TRHDE: variants seen among roughly 807,000 people sequenced by gnomAD.
The protein encoded by TRHDE is thyrotropin releasing hormone degrading enzyme.
In TRHDE, 72 loss-of-function variants were observed where a neutral mutation model predicts 125.7. That is an observed-to-expected ratio of 0.57 (90% CI 0.47 to 0.70). The LOEUF is 0.70. TRHDE is among the 30% of genes least tolerant of loss of function. The pLI, the probability that TRHDE is intolerant of heterozygous loss-of-function variation, is 0.00. For synonymous variants in TRHDE, 509 were observed against 509.1 expected (o/e 1.00, Z 0.00); for missense variants, 1,110 against 1,327.1 (o/e 0.84, Z 2.54).
chr12:72,375,243 G>A (rs949389784), intron 2 of TRHDE, among the ~76,000 whole-genome samples: 3 of 152,156 alleles, frequency 2.0e-5, no homozygotes, highest in Non-Finnish European at 2.9e-5. Context: ...AGAGCAGTAA[G>A]TATGAATGTC....
chr12:72,094,085 G>C (rs1179803651), intron 1 of TRHDE, among the ~76,000 whole-genome samples: 1 of 152,210 alleles, frequency 6.6e-6, no homozygotes, highest in African/African-American at 2.4e-5. Context: ...AGTGGAGTCT[G>C]TGGTTGGTGA....
At chr12:72,099,577 C>A (rs1003559621) in intron 1 of TRHDE, among the ~76,000 whole-genome samples, 5 of 152,060 alleles carry the variant, frequency 3.3e-5, no homozygotes, top group Admixed American at 6.6e-5. Context: ...TCAAGAAAAT[C>A]CGATGAATGC....
At chr12:72,444,830 G>T (rs954975857) in intron 3 of TRHDE, among the ~76,000 whole-genome samples, 2 of 151,822 alleles carry the variant, frequency 1.3e-5, no homozygotes, top group Admixed American at 1.3e-4. Context: ...GGAGAGGCTG[G>T]ATATTCTCCC....
intron 2 of TRHDE, among the ~76,000 whole-genome samples, chr12:72,243,078 C>T (rs1436110091): frequency 6.6e-6 from 1 of 152,158 alleles, no homozygotes; most frequent in Non-Finnish European, 1.5e-5. Context: ...CTACTGCTGC[C>T]ATTGTGTTAC....
chr12:72,225,172 TAA>T (rs768715778), intron 2 of TRHDE, among the ~76,000 whole-genome samples: 11 of 152,302 alleles, frequency 7.2e-5, no homozygotes, highest in Non-Finnish European at 7.3e-5. Context: ...AAATGTTCTC[TAA>T]AGTTTTTTTC....
intron 3 of TRHDE, among the ~76,000 whole-genome samples, chr12:72,441,833 G>A (rs980822886): frequency 6.6e-5 from 10 of 151,832 alleles, no homozygotes; most frequent in African/African-American, 1.2e-4. Flanking sequence ...ATATTTCAGC[G>A]ATAGTGCTTG....
intron 2 of TRHDE, among the ~76,000 whole-genome samples, chr12:72,149,456 T>G (rs1463225089): frequency 6.6e-6 from 1 of 152,148 alleles, no homozygotes; most frequent in African/African-American, 2.4e-5. Flanking sequence ...AAATAGAAAA[T>G]GGTATATGTT....
intron 9 of TRHDE, among the ~76,000 whole-genome samples, chr12:72,567,084 T>C (rs1412029926): frequency 6.6e-6 from 1 of 151,950 alleles, no homozygotes; most frequent in African/African-American, 2.4e-5. Context: ...ATAGATCAGT[T>C]CTTTGTCTCT....
At chr12:72,478,923 A>C (rs1592476088) in intron 5 of TRHDE, among the ~76,000 whole-genome samples, 2 of 20,436 alleles carry the variant, frequency 9.8e-5, no homozygotes, top group South Asian at 4.8e-3. Context: ...TTTTTTTAGC[A>C]AAAAAAAAAA....
intron 2 of TRHDE, among the ~76,000 whole-genome samples, chr12:72,244,158 A>C (rs989528995): frequency 2.0e-5 from 3 of 152,206 alleles, no homozygotes; most frequent in Non-Finnish European, 4.4e-5. Context: ...ATTGGTGTAT[A>C]GATTTTGGAG....
chr12:72,494,232 G>A (rs182311196), intron 5 of TRHDE, among the ~76,000 whole-genome samples: 52 of 152,074 alleles, frequency 3.4e-4, no homozygotes, highest in African/African-American at 1.2e-3. Flanking sequence ...CTATGTATCT[G>A]CCTTTTATCC....
intron 2 of TRHDE, among the ~76,000 whole-genome samples, chr12:72,356,096 C>G (rs1223733557): frequency 1.3e-5 from 2 of 151,644 alleles, no homozygotes; most frequent in Non-Finnish European, 3.0e-5. Context: ...AGAGAATGTT[C>G]ATTGCAGCAC....
intron 12 of TRHDE, among the ~76,000 whole-genome samples, chr12:72,575,906 T>C (rs931082949): frequency 2.0e-5 from 3 of 152,146 alleles, no homozygotes; most frequent in African/African-American, 4.8e-5. Flanking sequence ...TGTATACTAG[T>C]ATATCTTTTA....
intron 6 of TRHDE, among the ~76,000 whole-genome samples, chr12:72,500,249 G>A (rs894444332): frequency 6.6e-5 from 10 of 152,034 alleles, no homozygotes; most frequent in African/African-American, 1.9e-4. Flanking sequence ...CTTTATATCT[G>A]TATCTCTTAG....
intron 12 of TRHDE, chr12:72,582,527 A>C (rs967246785): frequency 1.0e-6 from 1 of 985,234 alleles, no homozygotes; most frequent in Non-Finnish European, 1.2e-6. Context: ...CTTGCAAAAC[A>C]TATGTTGATC....
intron 2 of TRHDE, among the ~76,000 whole-genome samples, chr12:72,204,884 A>C (rs1444368957): frequency 1.3e-5 from 2 of 152,188 alleles, no homozygotes; most frequent in African/African-American, 4.8e-5. Context: ...ACAGCTGTTC[A>C]AAGTTTAAAG....
At chr12:72,278,323 TTATC>T (rs1365207141) in intron 1 of TRHDE, among the ~76,000 whole-genome samples, 2 of 152,196 alleles carry the variant, frequency 1.3e-5, no homozygotes, top group Non-Finnish European at 2.9e-5. Context: ...TACATTTTCT[TTATC>T]CATCCATTCA....
intron 1 of TRHDE, among the ~76,000 whole-genome samples, chr12:72,090,655 C>G (rs535771172): frequency 6.6e-6 from 1 of 152,004 alleles, no homozygotes; most frequent in African/African-American, 2.4e-5. Context: ...TTATGGTAGA[C>G]CCAGGGATAT....
intron 5 of TRHDE, among the ~76,000 whole-genome samples, chr12:72,487,332 A>G (rs1217827788): frequency 2.0e-5 from 3 of 152,134 alleles, no homozygotes; most frequent in Admixed American, 2.0e-4. Flanking sequence ...TTCTCCATGG[A>G]CCATTTTGAT....
Sources: gnomAD v4.1 joint callset for allele counts (sites outside exome capture counted in the v4.1 genomes callset) on GRCh38, gnomAD v4.1.1 for gene constraint, MANE v1.5 for transcripts, NCBI Gene and HGNC (gene_info 2026-07-23, HGNC 2026-07-21) for gene names.